Variants in BUD31 observed in about 807,000 individuals in gnomAD.
BUD31 encodes BUD31 spliceosome associated protein.
BUD31 carries 9 observed loss-of-function variants against 17.9 expected under a neutral mutation model. That is an observed-to-expected ratio of 0.50 (90% CI 0.30 to 0.88). The LOEUF (loss-of-function observed/expected upper bound fraction) is 0.88. Among genes scored for constraint, BUD31 ranks in the 40% least tolerant of loss-of-function variants. BUD31 has a pLI of 0.06. For missense variants in BUD31, 148 were observed against 184.5 expected (o/e 0.80, Z 1.15); for synonymous variants, 70 against 64.7 (o/e 1.08, Z -0.39).
intron 1 of BUD31, among the ~76,000 whole-genome samples, chr7:99,409,722 C>T (rs550363313): frequency 6.6e-5 from 8 of 121,858 alleles, no homozygotes; most frequent in South Asian, 2.7e-4. Context: ...TTTGATTCCT[C>T]CTCTATATGG....
At chr7:99,419,153 G>C in intron 5 of BUD31, 1 of 564,054 alleles carries the variant, frequency 1.8e-6, no homozygotes, top group Non-Finnish European at 3.2e-6. Flanking sequence ...ACGTGTGTTG[G>C]ATTTGCAGAA....
chr7:99,410,668 G>A (rs1299763871), intron 2 of BUD31, among the ~76,000 whole-genome samples: 1 of 152,142 alleles, frequency 6.6e-6, no homozygotes, highest in Non-Finnish European at 1.5e-5. Flanking sequence ...AGGGGCAAAG[G>A]CTTAACTTTT....
intron 3 of BUD31, among the ~76,000 whole-genome samples, chr7:99,414,768 T>C (rs1027174818): frequency 7.9e-5 from 12 of 152,118 alleles, no homozygotes; most frequent in African/African-American, 2.7e-4. Context: ...GCTAATTCTT[T>C]TGTATTTTTA....
At chr7:99,411,658 A>G (rs1795189550) in intron 3 of BUD31, 1 of 454,972 alleles carries the variant, frequency 2.2e-6, no homozygotes, top group South Asian at 1.6e-5. Flanking sequence ...AGCCACAAGC[A>G]TCTGTTGGCC....
intron 4 of BUD31, chr7:99,417,014 T>C (rs1584441409): frequency 6.8e-6 from 1 of 146,952 alleles, no homozygotes; most frequent in Admixed American, 6.7e-5. Context: ...GCCTAAGTAC[T>C]TTTTTTTTTT....
At chr7:99,416,783 C>G (rs532762524) in intron 4 of BUD31, 1 of 145,836 alleles carries the variant, frequency 6.9e-6, no homozygotes, top group East Asian at 2.0e-4. Context: ...TGCAGTGGTG[C>G]AATGATGGCT....
chr7:99,411,925 C>G (rs1795205375), intron 3 of BUD31: 3 of 321,864 alleles, frequency 9.3e-6, no homozygotes, highest in South Asian at 7.0e-5. Flanking sequence ...AGGCTGGTCT[C>G]GAACTCCTGG....
chr7:99,412,593 T>C (rs1007989833), intron 3 of BUD31, among the ~76,000 whole-genome samples: 1 of 151,774 alleles, frequency 6.6e-6, no homozygotes, highest in Non-Finnish European at 1.5e-5. Context: ...CACGCTTGGC[T>C]AAGTTTTCTT....
At chr7:99,417,296 G>T (rs1234244787) in intron 4 of BUD31, 133 bp from the exon 5 acceptor site, 11 of 829,140 alleles carry the variant, frequency 1.3e-5, no homozygotes, top group Admixed American at 4.5e-5. Context: ...CAGGTGATCC[G>T]CCTGCCTCGG....
At chr7:99,414,051 CA>C (rs1795289653) in intron 3 of BUD31, among the ~76,000 whole-genome samples, 2 of 152,166 alleles carry the variant, frequency 1.3e-5, no homozygotes, top group Non-Finnish European at 2.9e-5. Flanking sequence ...TGTGAACACC[CA>C]AGCACACTCA....
chr7:99,410,915 C>T (rs1795154940), intron 2 of BUD31, 149 bp from the exon 3 acceptor site: 2 of 593,362 alleles, frequency 3.4e-6, no homozygotes, highest in Non-Finnish European at 6.0e-6. Flanking sequence ...AGTAGCAGAG[C>T]CAGGATTTGA....
At position 99,411,159 on chromosome 7, in the gene BUD31, G is replaced by A; in HGVS notation, c.67G>A (p.Asp23Asn). 1.2e-6 allele frequency: 2 copies of A among 1,614,056 alleles called. No homozygotes were observed. The highest frequency in any genetic ancestry group is 1.7e-6 in the Non-Finnish European group (2 of 1,180,000). ...DGWELIEPTL[D>N]ELDQKMREAE... is the part of the protein sequence containing the mutation. ...CTGGGAGTTGATTGAGCCAACACTG[G>A]ATGAATTAGATCAAAAGATGAGAGA... is the stretch of plus-strand genomic sequence containing the variant. Residue 23 changes from aspartate (D) to asparagine (N), a missense_variant, in exon 3 of 6, where the codon GAT becomes AAT. Transcript: ENST00000222969.
chr7:99,417,700 TC>T, intron 5 of BUD31, 105 bp downstream of exon 5: 5 of 1,548,620 alleles, frequency 3.2e-6, no homozygotes, highest in Non-Finnish European at 4.3e-6. Flanking sequence ...TGTCGTTTTG[TC>T]CCTGGATGTC....
intron 3 of BUD31, among the ~76,000 whole-genome samples, chr7:99,414,249 C>T (rs545848861): frequency 1.4e-4 from 22 of 151,866 alleles, no homozygotes; most frequent in African/African-American, 5.1e-4. Context: ...AGGCAATTCT[C>T]CTGCCTCAGC....
Position 99,411,114 on chromosome 7 carries a change from C to T in BUD31, c.22C>T (p.Arg8Trp), listed in dbSNP as rs763463858. Reference sequence around the variant, plus strand: ...GAAAATGCCTAAAGTCAAAAGAAGCCGGAAAGCACCCCCAGATGGCTGGGA... The same window carrying T: ...GAAAATGCCTAAAGTCAAAAGAAGCTGGAAAGCACCCCCAGATGGCTGGGA... Reference protein sequence around the residue: MPKVKRSRKAPPDGWELI... With the variant: MPKVKRSWKAPPDGWELI... Residue 8 changes from arginine (R) to tryptophan (W), a missense_variant, in exon 3 of 6, where the codon CGG becomes TGG. Coordinates refer to ENST00000222969, the MANE Select transcript of BUD31 (RefSeq NM_003910.4). 3.7e-6 allele frequency: 6 copies of T among 1,613,884 alleles called. No individual in the cohort carries two copies. The highest frequency in any genetic ancestry group is 2.2e-5 in the East Asian group (1 of 44,894).
intron 5 of BUD31, chr7:99,417,867 G>A: frequency 7.2e-7 from 1 of 1,390,138 alleles, no homozygotes; most frequent in Non-Finnish European, 9.4e-7. Context: ...GTGGTGGGGA[G>A]CCCTAATCCC....
chr7:99,415,649 G>A (rs761036024), intron 3 of BUD31, among the ~76,000 whole-genome samples: 1 of 152,140 alleles, frequency 6.6e-6, no homozygotes, highest in Non-Finnish European at 1.5e-5. Flanking sequence ...TAACGCTACT[G>A]CTAGACCAAG....
intron 1 of BUD31, among the ~76,000 whole-genome samples, chr7:99,409,756 G>A (rs1795096606): frequency 7.4e-6 from 1 of 135,546 alleles, no homozygotes; most frequent in Admixed American, 7.5e-5. Flanking sequence ...TTCATGAGAG[G>A]AGGCTCTGTG....
At chr7:99,415,805 A>G (rs868457944) in intron 3 of BUD31, among the ~76,000 whole-genome samples, 2 of 152,132 alleles carry the variant, frequency 1.3e-5, no homozygotes, top group African/African-American at 4.8e-5. Flanking sequence ...CCATCTCTGT[A>G]TAGCCTGGTG....
Sources: allele counts gnomAD v4.1 joint callset (sites outside exome capture counted in the v4.1 genomes callset), GRCh38; gene constraint gnomAD v4.1.1; transcripts MANE v1.5; gene names NCBI Gene and HGNC (gene_info 2026-07-23, HGNC 2026-07-21).